SYMPK: variants seen among roughly 807,000 people sequenced by gnomAD.
The protein encoded by SYMPK is symplekin.
In SYMPK, 49 loss-of-function variants were observed where a neutral mutation model predicts 136.4. The observed-to-expected ratio is 0.36, with a 90% confidence interval of 0.29 to 0.46. The LOEUF (loss-of-function observed/expected upper bound fraction) is 0.46. SYMPK is among the 20% of genes least tolerant of loss of function. The pLI, the probability that SYMPK is intolerant of heterozygous loss-of-function variation, is 1.00. For synonymous variants in SYMPK, 766 were observed against 713.0 expected, an observed-to-expected ratio of 1.07 and a Z score of -1.19; for missense variants, 1,365 against 1,690.0, an observed-to-expected ratio of 0.81 and a Z score of 3.37.
Position 45,821,212 on chromosome 19 carries a change from A to G in SYMPK, c.2893+172T>C. On this transcript the variant is annotated intron_variant, in intron 22 of 26. Transcript: ENST00000245934. This position sits in a 1 kb window ranked among gnomAD's most constrained non-coding sequence, Gnocchi z 4.4. The stretch of plus-strand genomic sequence containing the variant: ...GAGGAGGGAGGGAGGGAGGGAGGGA[A>G]GAGGAGGCAAGAAAAGGAGGGAGGG... The G allele has an allele frequency of 1.4e-6, 1 of 693,942 alleles. No individual in the cohort carries two copies. The allele number at this position is 693,942 out of a possible 1,614,324, so 43.0% of individuals were successfully genotyped here. A position where few individuals can be genotyped will look rare whatever the true frequency, so the allele number is the denominator to read the frequency against.
chr19:45,847,147 G>A (rs1357529272), intron 7 of SYMPK, among the ~76,000 whole-genome samples: 8 of 152,020 alleles, frequency 5.3e-5, no homozygotes, highest in East Asian at 3.9e-4. Context: ...TGCCCGGCGC[G>A]GTGGCTCAAG....
intron 20 of SYMPK, 148 bp downstream of exon 20, chr19:45,823,224 C>T: frequency 1.3e-6 from 1 of 793,046 alleles, no homozygotes; most frequent in Non-Finnish European, 2.1e-6. Flanking sequence ...GTGTCGGCGG[C>T]TTCCATGACT....
chr19:45,854,705 G>T (rs991217601), intron 1 of SYMPK, 198 bp from the exon 2 acceptor site: 1 of 558,586 alleles, frequency 1.8e-6, no homozygotes, highest in African/African-American at 1.9e-5. Flanking sequence ...CTGTAACTTG[G>T]GGGAGACTGA....
chr19:45,845,395 G>C (rs10402282), intron 7 of SYMPK, among the ~76,000 whole-genome samples: 2,717 of 152,130 alleles, frequency 0.018, 71 homozygotes, highest in African/African-American at 0.06. Flanking sequence ...TCTACCGTCT[G>C]TCTCCATGAG....
chr19:45,823,130 A>G (rs1970947388), intron 20 of SYMPK, among the ~76,000 whole-genome samples: 2 of 152,214 alleles, frequency 1.3e-5, no homozygotes, highest in Non-Finnish European at 1.5e-5. Context: ...TGCTTGAGGT[A>G]GAGGAGGAAG....
In SYMPK at chr19:45,848,706, G is replaced by C. The variant is rs376934396; in HGVS notation, c.426+44C>G. On this transcript the variant is annotated intron_variant, in intron 6 of 26. Coordinates refer to ENST00000245934, the MANE Select transcript of SYMPK (RefSeq NM_004819.3). ...CCCCAACATATTAGTTTGTCAACGA[G>C]ACATATCAGGCAGGATGGCCCTGGG... 6 of 1,610,724 alleles carry C rather than the reference G, an allele frequency of 3.7e-6. No homozygotes were observed. In the African/African-American group the frequency reaches 4.0e-5, roughly 11 times the overall value.
chr19:45,853,762 G>T (rs1971749993), intron 3 of SYMPK, among the ~76,000 whole-genome samples: 1 of 152,138 alleles, frequency 6.6e-6, no homozygotes, highest in Non-Finnish European at 1.5e-5. Flanking sequence ...GCCCCCCTGG[G>T]CTCCCTTCTC....
intron 1 of SYMPK, among the ~76,000 whole-genome samples, chr19:45,861,737 A>C (rs74838139): frequency 9.3e-6 from 1 of 108,006 alleles, no homozygotes; most frequent in African/African-American, 3.2e-5. Context: ...ACTCTGTCTC[A>C]AAAAAAAAAA....
chr19:45,861,812 A>C (rs1238307227), intron 1 of SYMPK: 1 of 151,040 alleles, frequency 6.6e-6, no homozygotes, highest in Non-Finnish European at 1.5e-5. Flanking sequence ...TGGAAGGCTG[A>C]GGTGGGCAGA....
intron 1 of SYMPK, among the ~76,000 whole-genome samples, chr19:45,858,181 C>T (rs184560051): frequency 2.7e-4 from 41 of 152,266 alleles, no homozygotes; most frequent in South Asian, 1.2e-3. Flanking sequence ...CAATGAATGA[C>T]GAGCCACAGC....
At chr19:45,857,743 G>A (rs1600536397) in intron 1 of SYMPK, among the ~76,000 whole-genome samples, 1 of 151,180 alleles carries the variant, frequency 6.6e-6, no homozygotes, top group Admixed American at 6.6e-5. Flanking sequence ...CGCCCGCCTT[G>A]GCCTCCCAAA....
chr19:45,831,311 A>T, intron 12 of SYMPK, 73 bp downstream of exon 12: 1 of 1,292,394 alleles, frequency 7.7e-7, no homozygotes. Context: ...GCACACGCAC[A>T]CGCACACGAG....
In SYMPK at chr19:45,827,495, G is replaced by A. The variant is rs766493028; in HGVS notation, c.2181+15C>T. The A allele has an allele frequency of 1.2e-6, 2 of 1,600,490 alleles. No homozygotes were observed. The highest frequency in any genetic ancestry group is 1.7e-6 in the Non-Finnish European group (2 of 1,167,826). On this transcript the variant is annotated intron_variant, in intron 16 of 26. Coordinates refer to ENST00000245934, the MANE Select transcript of SYMPK (RefSeq NM_004819.3). ...TGCAGGCTGAGGGCAGCCAGGAAGT[G>A]GAGGAGGGGATCACCTTGTCCTTCT...
intron 19 of SYMPK, 96 bp downstream of exon 19, chr19:45,823,671 C>A: frequency 8.7e-7 from 1 of 1,148,972 alleles, no homozygotes; most frequent in Non-Finnish European, 1.3e-6. Context: ...GCAAGAGGTA[C>A]GACCATCTGG....
intron 5 of SYMPK, among the ~76,000 whole-genome samples, chr19:45,849,080 C>T (rs1428879124): frequency 6.6e-6 from 1 of 152,146 alleles, no homozygotes; most frequent in Admixed American, 6.5e-5. Flanking sequence ...AACACCAACT[C>T]CTTTGCTCTC....
chr19:45,854,875 C>CTT, intron 1 of SYMPK: 1 of 167,644 alleles, frequency 6.0e-6, no homozygotes, highest in Admixed American at 6.6e-5. Context: ...CCACAGCAAA[C>CTT]TTTCTTTTTT....
intron 13 of SYMPK, among the ~76,000 whole-genome samples, chr19:45,829,519 G>C (rs1381673992): frequency 1.2e-4 from 18 of 152,086 alleles, no homozygotes; most frequent in Non-Finnish European, 4.4e-5. Flanking sequence ...TTGAAGAGAG[G>C]GATGGGGTGC....
intron 1 of SYMPK, among the ~76,000 whole-genome samples, chr19:45,859,612 AAAC>A (rs1971913273): frequency 6.6e-6 from 1 of 151,934 alleles, no homozygotes; most frequent in Admixed American, 6.6e-5. Context: ...AAATAAAACA[AAAC>A]AAAAACAAAG....
chr19:45,863,007 T>C (rs1972012545), intron 1 of SYMPK, 51 bp downstream of exon 1: 2 of 401,074 alleles, frequency 5.0e-6, no homozygotes, highest in African/African-American at 2.0e-5. Flanking sequence ...CCCTGCTTCT[T>C]TAGGAGCCTC....
Sources: gnomAD v4.1 joint callset for allele counts (sites outside exome capture counted in the v4.1 genomes callset) on GRCh38, gnomAD v4.1.1 for gene constraint, Gnocchi (gnomAD v3.1) non-coding constraint, MANE v1.5 for transcripts, NCBI Gene and HGNC (gene_info 2026-07-23, HGNC 2026-07-21) for gene names.